ODF2L: variants seen among roughly 807,000 people sequenced by gnomAD.
ODF2L encodes protein BCAP.
In ODF2L, 76 loss-of-function variants were observed where a neutral mutation model predicts 86.3. That is an observed-to-expected ratio of 0.88 (90% CI 0.73 to 1.07). The LOEUF (loss-of-function observed/expected upper bound fraction) is 1.07. ODF2L is among the 50% of genes least tolerant of loss of function. The pLI is 0.00. For missense variants in ODF2L, 748 were observed against 717.4 expected (o/e 1.04, Z -0.49); for synonymous variants, 241 against 231.3 (o/e 1.04, Z -0.38).
At chr1:86,370,060 A>G (rs1013689254) in intron 10 of ODF2L, among the ~76,000 whole-genome samples, 1 of 152,070 alleles carries the variant, frequency 6.6e-6, no homozygotes, top group African/African-American at 2.4e-5. Flanking sequence ...ACAGCCAGTA[A>G]TTATGTTTCC....
intron 12 of ODF2L, among the ~76,000 whole-genome samples, chr1:86,359,723 C>T (rs1420686507): frequency 6.0e-5 from 9 of 151,218 alleles, no homozygotes; most frequent in Admixed American, 2.0e-4. Flanking sequence ...AGGGTTTCAC[C>T]ATGGTGGCCA....
At chr1:86,360,081 G>A (rs1403628894) in intron 12 of ODF2L, among the ~76,000 whole-genome samples, 1 of 151,966 alleles carries the variant, frequency 6.6e-6, no homozygotes, top group African/African-American at 2.4e-5. Context: ...ACCCTAGAAG[G>A]GAGTCATTAA....
chr1:86,382,383 CA>C, intron 6 of ODF2L, 25 bp from the exon 7 acceptor site: 4 of 1,602,570 alleles, frequency 2.5e-6, no homozygotes, highest in Non-Finnish European at 3.4e-6. Context: ...AAGAGAAAAC[CA>C]AAAAAATCCA....
chr1:86,373,463 T>C (rs1228044628), intron 8 of ODF2L, among the ~76,000 whole-genome samples: 1 of 149,436 alleles, frequency 6.7e-6, no homozygotes, highest in Non-Finnish European at 1.5e-5. Context: ...CATGCATATA[T>C]AAAATATATC....
chr1:86,396,245 TC>T (rs1400201156), exon 1 of ODF2L: 3 of 152,390 alleles, frequency 2.0e-5, no homozygotes, highest in African/African-American at 7.2e-5. Context: ...CCAGGCGAAT[TC>T]CTAGACCTGC....
At chr1:86,394,297 T>C (rs1661544167) in intron 1 of ODF2L, among the ~76,000 whole-genome samples, 1 of 151,756 alleles carries the variant, frequency 6.6e-6, no homozygotes, top group South Asian at 2.1e-4. Flanking sequence ...GCACCTGTAG[T>C]CCCAGCTACT....
Position 86,389,003 on chromosome 1 carries a change from G to A in ODF2L, c.-59-1917C>T, listed in dbSNP as rs12047304. ...AAATTATCAACAGTCATCTTCTCCA[G>A]GACAAATATTGTTCAGAGATTCCAA... On this transcript the variant is annotated intron_variant, in intron 1 of 17. Coordinates refer to ENST00000317336, the Ensembl canonical transcript of ODF2L. Among the ~76,000 whole-genome samples, 1,693 of 152,152 alleles carry A rather than the reference G, an allele frequency of 0.011. 67 individuals carry two copies. The East Asian group carries it at 0.12, about 10-fold the overall frequency.
chr1:86,395,028 A>G lies in ODF2L; in HGVS notation c.-60+1005T>C, dbSNP rs564721253. On this transcript the variant is annotated intron_variant, in intron 1 of 17. Coordinates refer to ENST00000317336, the Ensembl canonical transcript of ODF2L. ...GATAACTTTTTGTATTTGTTTTAGT[A>G]GAGACGGGGTTTCACCGTGTTGGCC... 2.1e-3 allele frequency among the ~76,000 whole-genome samples: 316 copies of G among 152,126 alleles called. 1 individual carries two copies. Among genetic ancestry groups the G allele is most frequent in the African/African-American group, 7.3e-3 (305 of 41,518 alleles).
In ODF2L at chr1:86,367,225, C is replaced by T. The variant is rs570432360; in HGVS notation, c.1143+1411G>A. 2.6e-5 allele frequency among the ~76,000 whole-genome samples: 4 copies of T among 152,190 alleles called. No homozygotes were observed. The South Asian group carries it at 8.3e-4, about 32-fold the overall frequency. ...TACTTTCAATCTAGGTTGCTATACC[C>T]AGCTGAAACCATTAATCATAATGAG... On this transcript the variant is annotated intron_variant, in intron 11 of 17. Transcript: ENST00000317336.
chr1:86,371,987 ACCATCCTGACCAACATGGTGAAAC>A (rs1659816470), intron 9 of ODF2L, among the ~76,000 whole-genome samples: 1 of 152,070 alleles, frequency 6.6e-6, no homozygotes, highest in African/African-American at 2.4e-5. Context: ...GGAGATCGAG[ACCATCCTGACCAACATGGTGAAAC>A]CCTGTCTCTA....
In ODF2L at chr1:86,372,452, A is replaced by G. The variant is rs1391858345; in HGVS notation, c.899T>C (p.Val300Ala). 4.8e-6 allele frequency: 7 copies of G among 1,466,708 alleles called. No homozygotes were observed. Among genetic ancestry groups the G allele is most frequent in the Non-Finnish European group, 6.4e-6 (7 of 1,095,914 alleles). The allele number at this position is 1,466,708 out of a possible 1,614,324, so 90.9% of individuals were successfully genotyped here. The change falls in exon 9 of 18, where the codon GTA becomes GCA. Residue 300 changes from valine (V) to alanine (A), a missense_variant. Transcript: ENST00000317336. ...TTACTTTTTCATTGTTTCAATCTGT[A>G]CTTCCAATTCGGTTTTTTCTATCAC...
chr1:86,356,764 G>A (rs1428482212), intron 13 of ODF2L, among the ~76,000 whole-genome samples, 162 bp from the exon 13 acceptor site: 1 of 152,094 alleles, frequency 6.6e-6, no homozygotes, highest in East Asian at 1.9e-4. Flanking sequence ...AAATAAGAAT[G>A]TATAACTAAA....
chr1:86,376,669 T>G (rs1158961674), intron 7 of ODF2L, among the ~76,000 whole-genome samples: 1 of 152,094 alleles, frequency 6.6e-6, no homozygotes, highest in African/African-American at 2.4e-5. Flanking sequence ...CTTCTTCACA[T>G]GGCGACAGGA....
exon 14 of ODF2L, chr1:86,356,475 T>C: frequency 1.2e-6 from 2 of 1,613,344 alleles, no homozygotes; most frequent in East Asian, 2.2e-5. Context: ...GGTGTGTTCC[T>C]GGTCTGCACA....
chr1:86,366,996 T>C (rs956480629), intron 11 of ODF2L, among the ~76,000 whole-genome samples: 1 of 152,112 alleles, frequency 6.6e-6, no homozygotes, highest in Non-Finnish European at 1.5e-5. Context: ...ACAAAGTACT[T>C]AGCACAAAGG....
At chr1:86,390,968 A>C (rs1661284458) in intron 1 of ODF2L, among the ~76,000 whole-genome samples, 1 of 152,186 alleles carries the variant, frequency 6.6e-6, no homozygotes, top group Non-Finnish European at 1.5e-5. Context: ...TAGAACTGAT[A>C]AATTCAGCAG....
At chr1:86,358,974 AACAAGTCATT>A in intron 12 of ODF2L, 83 bp from the exon 12 acceptor site, 3 of 668,826 alleles carry the variant, frequency 4.5e-6, no homozygotes, top group Non-Finnish European at 7.4e-6. Context: ...TTTCATTTTA[AACAAGTCATT>A]ATTTTCCTAT....
intron 7 of ODF2L, among the ~76,000 whole-genome samples, chr1:86,378,616 A>C (rs1007788849): frequency 6.6e-6 from 1 of 152,172 alleles, no homozygotes; most frequent in Non-Finnish European, 1.5e-5. Context: ...CAATCGTGGC[A>C]GAAGGTGACA....
At chr1:86,371,221 T>C in intron 9 of ODF2L, 68 bp from the exon 10 acceptor site, 1 of 837,210 alleles carries the variant, frequency 1.2e-6, no homozygotes, top group East Asian at 2.9e-5. Context: ...ACATTTTAAG[T>C]GTGTTTCTGA....
Sources: gnomAD v4.1 joint callset for allele counts (sites outside exome capture counted in the v4.1 genomes callset) on GRCh38, gnomAD v4.1.1 for gene constraint, MANE v1.5 for transcripts, NCBI Gene and HGNC (gene_info 2026-07-23, HGNC 2026-07-21) for gene names.